IQCM: variants seen among roughly 807,000 people sequenced by gnomAD.
The protein encoded by IQCM is IQ motif containing M.
A neutral mutation model predicts 57.6 loss-of-function variants in IQCM; 45 were observed. The ratio of observed to expected loss-of-function variants is 0.78; its 90% CI spans 0.62 to 1.00. IQCM has a LOEUF of 1.00. Ranked by LOEUF, IQCM falls within the 50% of genes least tolerant of loss-of-function variation. The probability of loss-of-function intolerance (pLI) is 0.00; values close to 1 mark genes in which losing one functional copy is unlikely to be tolerated. For synonymous variants in IQCM, 148 were observed against 158.9 expected (o/e 0.93, Z 0.51); for missense variants, 468 against 511.6 (o/e 0.91, Z 0.82).
chr4:149,472,653 C>T (rs1305719219), intron 12 of IQCM, among the ~76,000 whole-genome samples: 8 of 152,040 alleles, frequency 5.3e-5, no homozygotes, highest in African/African-American at 1.2e-4. Flanking sequence ...AAAAAGAGCC[C>T]GCATTGCCAA....
intron 12 of IQCM, among the ~76,000 whole-genome samples, chr4:149,546,068 G>A (rs1748383732): frequency 6.6e-6 from 1 of 152,136 alleles, no homozygotes; most frequent in African/African-American, 2.4e-5. Flanking sequence ...AACATGCGGT[G>A]TTTGGTTTTT....
chr4:149,518,220 T>A (rs190038064), intron 12 of IQCM, among the ~76,000 whole-genome samples: 33 of 152,208 alleles, frequency 2.2e-4, no homozygotes, highest in African/African-American at 7.7e-4. Flanking sequence ...GGAAGTATAC[T>A]CCTACCATGA....
chr4:149,640,882 C>A (rs985171185), intron 7 of IQCM, among the ~76,000 whole-genome samples: 2 of 152,152 alleles, frequency 1.3e-5, no homozygotes, highest in African/African-American at 4.8e-5. Context: ...ATAATCCCAG[C>A]ACTTTAGGGG....
intron 8 of IQCM, among the ~76,000 whole-genome samples, chr4:149,590,226 T>C (rs536809097): frequency 2.2e-4 from 33 of 151,186 alleles, no homozygotes; most frequent in Non-Finnish European, 4.3e-4. Context: ...TAATTAGCAA[T>C]TGATTTTTTC....
intron 12 of IQCM, among the ~76,000 whole-genome samples, chr4:149,469,497 T>C (rs551574855): frequency 6.6e-6 from 1 of 152,322 alleles, no homozygotes; most frequent in East Asian, 1.9e-4. Context: ...CTACATCTGA[T>C]TGGTATACCT....
chr4:149,384,453 T>G (rs1211743002), intron 13 of IQCM, among the ~76,000 whole-genome samples: 7 of 152,172 alleles, frequency 4.6e-5, no homozygotes, highest in Non-Finnish European at 1.0e-4. Flanking sequence ...CACTAGATAC[T>G]ACTCTTGTCA....
chr4:149,492,273 A>G (rs1330539808), intron 12 of IQCM, among the ~76,000 whole-genome samples: 1 of 152,100 alleles, frequency 6.6e-6, no homozygotes, highest in African/African-American at 2.4e-5. Context: ...ATATCAGGAA[A>G]GGTAATTTTC....
At chr4:149,502,285 C>A (rs1453536892) in intron 12 of IQCM, among the ~76,000 whole-genome samples, 2 of 151,928 alleles carry the variant, frequency 1.3e-5, no homozygotes, top group Non-Finnish European at 2.9e-5. Context: ...TAAATGGATT[C>A]TTAAACCAGA....
At chr4:149,375,381 A>G (rs527439703) in intron 13 of IQCM, among the ~76,000 whole-genome samples, 2 of 152,296 alleles carry the variant, frequency 1.3e-5, no homozygotes, top group African/African-American at 4.8e-5. Context: ...GAGATCAAGA[A>G]CTATGTCTAA....
At position 149,587,302 on chromosome 4, in the gene IQCM, T is replaced by C. The variant is rs560525398; in HGVS notation, c.749+628A>G. 6.6e-5 allele frequency among the ~76,000 whole-genome samples: 10 copies of C among 151,922 alleles called. No individual in the cohort carries two copies. In the South Asian group the frequency reaches 1.4e-3, roughly 22 times the overall value. On this transcript the variant is annotated intron_variant, in intron 9 of 13. Coordinates refer to ENST00000636793, the MANE Select transcript of IQCM (RefSeq NM_001363507.2). ...ACTCTCCAGTGCCTTCAAATATTCT[T>C]TTTTTAGCTTATAATCATTTATAAT...
At chr4:149,753,263 AT>A (rs958948501) in intron 2 of IQCM, among the ~76,000 whole-genome samples, 5 of 152,148 alleles carry the variant, frequency 3.3e-5, no homozygotes, top group African/African-American at 1.2e-4. Context: ...AATAAAAAAA[AT>A]GAAAAAGAAT....
intron 12 of IQCM, among the ~76,000 whole-genome samples, chr4:149,541,211 G>A (rs563918948): frequency 2.6e-5 from 4 of 152,130 alleles, no homozygotes; most frequent in Non-Finnish European, 4.4e-5. Context: ...TGAGGAACAG[G>A]AGGCTCAGGA....
chr4:149,614,739 G>A (rs772152657), intron 8 of IQCM, among the ~76,000 whole-genome samples: 3 of 152,040 alleles, frequency 2.0e-5, no homozygotes, highest in Admixed American at 6.5e-5. Context: ...AAGAAAAATC[G>A]CCAAAAAATC....
intron 12 of IQCM, among the ~76,000 whole-genome samples, chr4:149,545,753 A>G (rs2149888528): frequency 6.6e-6 from 1 of 152,316 alleles, no homozygotes; most frequent in Admixed American, 6.5e-5. Context: ...CAGCATATTC[A>G]CAATAGCCAA....
chr4:149,804,018 G>A (rs1257851320), intron 2 of IQCM, among the ~76,000 whole-genome samples: 2 of 151,836 alleles, frequency 1.3e-5, no homozygotes, highest in East Asian at 1.9e-4. Context: ...ATGGCTGGAG[G>A]GGGCTGGCAC....
intron 12 of IQCM, among the ~76,000 whole-genome samples, chr4:149,541,364 A>G (rs1193825235): frequency 1.3e-5 from 2 of 152,108 alleles, no homozygotes; most frequent in Non-Finnish European, 1.5e-5. Flanking sequence ...ATTTTTGTCT[A>G]GGGCTCCTCA....
intron 7 of IQCM, among the ~76,000 whole-genome samples, chr4:149,668,011 T>C (rs1760891802): frequency 6.6e-6 from 1 of 152,094 alleles, no homozygotes; most frequent in African/African-American, 2.4e-5. Context: ...CTTCAGGATA[T>C]TATCCAGGAG....
At chr4:149,790,557 G>A (rs1292015105) in intron 2 of IQCM, among the ~76,000 whole-genome samples, 2 of 152,052 alleles carry the variant, frequency 1.3e-5, no homozygotes, top group African/African-American at 4.8e-5. Context: ...ATTACAATTT[G>A]GCTTCTTACA....
intron 12 of IQCM, among the ~76,000 whole-genome samples, chr4:149,453,702 A>G (rs1737374112): frequency 6.6e-6 from 1 of 151,946 alleles, no homozygotes; most frequent in Non-Finnish European, 1.5e-5. Context: ...TGATAATCAA[A>G]AAGACAGAAA....
Sources: gnomAD v4.1 joint callset for allele counts (sites outside exome capture counted in the v4.1 genomes callset) on GRCh38, gnomAD v4.1.1 for gene constraint, MANE v1.5 for transcripts, NCBI Gene and HGNC (gene_info 2026-07-23, HGNC 2026-07-21) for gene names.